RSF1: variants seen among roughly 807,000 people sequenced by gnomAD.
The protein encoded by RSF1 is remodeling and spacing factor 1.
RSF1 carries 13 observed loss-of-function variants against 145.2 expected under a neutral mutation model. That is an observed-to-expected ratio of 0.09 (90% confidence interval 0.06 to 0.14). RSF1 has a LOEUF of 0.14. Ranked by LOEUF, RSF1 falls within the 10% of genes least tolerant of loss-of-function variation. The pLI is 1.00. For synonymous variants in RSF1, 577 were observed against 592.6 expected (o/e 0.97, Z 0.38); for missense variants, 1,517 against 1,718.2 (o/e 0.88, Z 2.07).
At chr11:77,830,453 G>T in the RSF1 span, among the ~76,000 whole-genome samples, 2 of 151,922 alleles carry the variant, frequency 1.3e-5, no homozygotes, top group Admixed American at 1.3e-4. Flanking sequence ...CAAACCTGCC[G>T]TGAATCAAAC....
At chr11:77,671,916 G>A (rs1959563097) in intron 15 of RSF1, 126 bp downstream of exon 15, 1 of 849,308 alleles carries the variant, frequency 1.2e-6, no homozygotes, top group South Asian at 2.5e-5. Context: ...TTACAGGCGT[G>A]AGCCACCATG....
intron 1 of RSF1, among the ~76,000 whole-genome samples, chr11:77,791,208 A>T (rs561456774): frequency 6.6e-6 from 1 of 152,284 alleles, no homozygotes; most frequent in Admixed American, 6.5e-5. Context: ...ACTTCTGTGC[A>T]CCCACAGGCT....
chr11:77,782,134 T>C (rs1948410273), intron 1 of RSF1, among the ~76,000 whole-genome samples: 1 of 152,346 alleles, frequency 6.6e-6, no homozygotes, highest in African/African-American at 2.4e-5. Context: ...TACCTGGGTC[T>C]TTCTTTTCTA....
intron 9 of RSF1, among the ~76,000 whole-genome samples, chr11:77,687,200 C>A (rs1361470296): frequency 6.6e-6 from 1 of 152,072 alleles, no homozygotes; most frequent in Non-Finnish European, 1.5e-5. Flanking sequence ...TACTTGTATT[C>A]TAGGAACTAT....
chr11:77,742,608 C>T (rs1331612719), intron 3 of RSF1, among the ~76,000 whole-genome samples: 4 of 152,152 alleles, frequency 2.6e-5, no homozygotes, highest in Non-Finnish European at 5.9e-5. Context: ...ACATCTTTAC[C>T]AAACTTGTTA....
intron 1 of RSF1, among the ~76,000 whole-genome samples, chr11:77,792,987 A>G (rs1200852137): frequency 2.0e-5 from 3 of 152,212 alleles, no homozygotes; most frequent in Non-Finnish European, 4.4e-5. Flanking sequence ...AATGAGGAAG[A>G]GAAAGGACTC....
At chr11:77,823,930 A>G (rs2136026138), upstream of RSF1, among the ~76,000 whole-genome samples, 1 of 152,062 alleles carries the variant, frequency 6.6e-6, no homozygotes, top group South Asian at 2.1e-4. Flanking sequence ...AAAAAAAAAA[A>G]GCTTTATTAC....
chr11:77,734,890 T>A (rs1039404418), intron 4 of RSF1: 8 of 1,580,738 alleles, frequency 5.1e-6, no homozygotes, highest in Non-Finnish European at 6.9e-6. Flanking sequence ...CAAAGCCACA[T>A]CATCACGGTC....
intron 2 of RSF1, among the ~76,000 whole-genome samples, chr11:77,761,461 T>C (rs1289900884): frequency 1.3e-5 from 2 of 151,758 alleles, no homozygotes; most frequent in Non-Finnish European, 2.9e-5. Flanking sequence ...TTTTAAGGGA[T>C]AATTTATTAA....
intron 5 of RSF1, among the ~76,000 whole-genome samples, chr11:77,707,388 A>G (rs1185368091): frequency 6.6e-6 from 1 of 152,210 alleles, no homozygotes; most frequent in Non-Finnish European, 1.5e-5. Flanking sequence ...TATTTCACCA[A>G]CCTACAAAGT....
the RSF1 span, among the ~76,000 whole-genome samples, chr11:77,846,356 C>T: frequency 5.3e-5 from 8 of 152,140 alleles, no homozygotes; most frequent in Non-Finnish European, 7.4e-5. Context: ...TGGTGGCTCA[C>T]GCCTGTGATC....
chr11:77,782,614 T>C (rs894530611), intron 1 of RSF1, among the ~76,000 whole-genome samples: 1 of 151,606 alleles, frequency 6.6e-6, no homozygotes, highest in Non-Finnish European at 1.5e-5. Context: ...CCTGCTTTAG[T>C]GGTGCCTGCA....
intron 6 of RSF1, 128 bp from the exon 7 acceptor site, chr11:77,698,821 G>A: frequency 2.8e-6 from 2 of 727,220 alleles, no homozygotes; most frequent in Non-Finnish European, 4.5e-6. Flanking sequence ...AATTATTATA[G>A]TCTCATCATC....
chr11:77,680,666 T>C (rs554126206), intron 11 of RSF1, among the ~76,000 whole-genome samples: 1 of 152,240 alleles, frequency 6.6e-6, no homozygotes, highest in Non-Finnish European at 1.5e-5. Flanking sequence ...GCTCTTCTTT[T>C]ACAATGTAAT....
chr11:77,726,690 C>T (rs1961061341), intron 4 of RSF1, among the ~76,000 whole-genome samples: 1 of 152,148 alleles, frequency 6.6e-6, no homozygotes, highest in East Asian at 1.9e-4. Context: ...CCAAGATCCT[C>T]CCATCTGTGT....
chr11:77,799,991 G>A (rs748605514), intron 1 of RSF1, among the ~76,000 whole-genome samples: 49 of 152,064 alleles, frequency 3.2e-4, no homozygotes, highest in Non-Finnish European at 6.6e-4. Context: ...ACAGAGTAAA[G>A]AGACTGAGTC....
chr11:77,709,044 GGTCA>G (rs1386379283), intron 5 of RSF1, among the ~76,000 whole-genome samples: 1 of 152,154 alleles, frequency 6.6e-6, no homozygotes, highest in African/African-American at 2.4e-5. Flanking sequence ...GATAAACCCT[GGTCA>G]GTCAATCTTT....
At chr11:77,689,644 T>C (rs1464709354) in intron 9 of RSF1, among the ~76,000 whole-genome samples, 1 of 152,238 alleles carries the variant, frequency 6.6e-6, no homozygotes, top group Admixed American at 6.5e-5. Flanking sequence ...TGGTCTGTAC[T>C]ATATTATTGG....
At chr11:77,746,945 A>C in intron 3 of RSF1, 91 bp downstream of exon 3, 3 of 740,840 alleles carry the variant, frequency 4.0e-6, no homozygotes, top group Non-Finnish European at 6.7e-6. Flanking sequence ...AATAATAAAA[A>C]TGTCTACTTT....
Sources: allele counts gnomAD v4.1 joint callset (sites outside exome capture counted in the v4.1 genomes callset), GRCh38; gene constraint gnomAD v4.1.1; transcripts MANE v1.5; gene names NCBI Gene and HGNC (gene_info 2026-07-23, HGNC 2026-07-21).